The following FAM228B variants were observed in gnomAD, a reference collection of about 807,000 sequenced individuals.
FAM228B encodes the protein family with sequence similarity 228 member B.
FAM228B carries 38 observed loss-of-function variants against 42.6 expected under a neutral mutation model. That is an observed-to-expected ratio of 0.89 (90% confidence interval 0.69 to 1.17). The LOEUF (loss-of-function observed/expected upper bound fraction) is 1.17. FAM228B is among the 50% of genes most tolerant of loss of function. The pLI is 0.00. For synonymous variants in FAM228B, 109 were observed against 122.3 expected (o/e 0.89, Z 0.72); for missense variants, 344 against 367.3 (o/e 0.94, Z 0.52).
At chr2:24,129,463 T>C (rs1003615992) in intron 2 of FAM228B, among the ~76,000 whole-genome samples, 1 of 152,260 alleles carries the variant, frequency 6.6e-6, no homozygotes, top group Non-Finnish European at 1.5e-5. Flanking sequence ...ACTCTATCCA[T>C]TTGCTGAATC....
In FAM228B at chr2:24,084,044, G is replaced by A. The variant is rs1665137829; in HGVS notation, c.-210+3089G>A. Reference sequence around the variant, plus strand: ...TTTGCATGAACAAAGAGGGCGCCCTGGGTTTAGGTCTGGGAAGCCCCAGCG... The same window carrying A: ...TTTGCATGAACAAAGAGGGCGCCCTAGGTTTAGGTCTGGGAAGCCCCAGCG... On this transcript the variant is annotated intron_variant, in intron 2 of 10. Transcript: ENST00000613899. This position sits in a 1 kb window ranked among gnomAD's most constrained non-coding sequence, Gnocchi z 8.4. The A allele has an allele frequency of 7.6e-7, 1 of 1,313,282 alleles. No individual in the cohort carries two copies. Among genetic ancestry groups the A allele is most frequent in the African/African-American group, 1.5e-5 (1 of 66,958 alleles). 81.4% of individuals were successfully genotyped at this position (1,313,282 alleles called of 1,614,324 possible).
chr2:24,131,731 T>C (rs1369221434), intron 2 of FAM228B, among the ~76,000 whole-genome samples: 3 of 152,238 alleles, frequency 2.0e-5, no homozygotes, highest in Non-Finnish European at 4.4e-5. Flanking sequence ...GCTTTTGGCC[T>C]GAGATGATGG....
intron 10 of FAM228B, 102 bp downstream of exon 10, chr2:24,167,785 AAAG>A: frequency 7.4e-7 from 1 of 1,344,898 alleles, no homozygotes; most frequent in South Asian, 1.3e-5. Context: ...GGGAGGGAGG[AAAG>A]AGAAATAATG....
intron 3 of FAM228B, among the ~76,000 whole-genome samples, chr2:24,101,545 G>A (rs189534488): frequency 1.3e-5 from 2 of 151,984 alleles, no homozygotes; most frequent in Non-Finnish European, 2.9e-5. Flanking sequence ...AACATAAAAC[G>A]TAATTGGAAA....
chr2:24,117,953 T>C (rs1284070739), intron 3 of FAM228B, among the ~76,000 whole-genome samples: 1 of 152,166 alleles, frequency 6.6e-6, no homozygotes, highest in Non-Finnish European at 1.5e-5. Flanking sequence ...ATTAATGGCG[T>C]GATGCCAGCA....
chr2:24,079,415 C>A (rs369205576), intron 1 of FAM228B: 1 of 1,609,188 alleles, frequency 6.2e-7, no homozygotes, highest in Non-Finnish European at 8.5e-7. Context: ...TGGGTTAAAT[C>A]ACATGTTTTC....
chr2:24,155,531 ATTTTTTTTTTTT>A (rs70944720), intron 7 of FAM228B, among the ~76,000 whole-genome samples: 4 of 13,044 alleles, frequency 3.1e-4, no homozygotes, highest in Admixed American at 1.2e-3. Flanking sequence ...ATATATATAT[ATTTTTTTTTTTT>A]TTTTTTTTTT....
At chr2:24,114,490 T>C (rs566648412) in intron 3 of FAM228B, among the ~76,000 whole-genome samples, 1 of 152,232 alleles carries the variant, frequency 6.6e-6, no homozygotes, top group East Asian at 1.9e-4. Flanking sequence ...TTATATCCTA[T>C]CTTGGCCTGT....
intron 3 of FAM228B, among the ~76,000 whole-genome samples, chr2:24,103,431 G>A (rs1665646260): frequency 6.6e-6 from 1 of 152,200 alleles, no homozygotes; most frequent in African/African-American, 2.4e-5. Context: ...CTCTCATTTG[G>A]AGACCTCTGT....
At chr2:24,110,769 C>T (rs1049641045) in intron 3 of FAM228B, among the ~76,000 whole-genome samples, 3 of 152,122 alleles carry the variant, frequency 2.0e-5, no homozygotes, top group African/African-American at 7.2e-5. Context: ...TGGGACTCCC[C>T]CCCCAAATCT....
chr2:24,092,144 T>C (rs1280775491), intron 2 of FAM228B, among the ~76,000 whole-genome samples: 2 of 133,518 alleles, frequency 1.5e-5, no homozygotes, highest in Non-Finnish European at 3.0e-5. Flanking sequence ...AAAGATCACA[T>C]GGGCCTGGCA....
chr2:24,077,542 C>T lies in FAM228B; in HGVS notation c.-290+573C>T, dbSNP rs1220132438. On this transcript the variant is annotated intron_variant, in intron 1 of 10. Coordinates refer to the FAM228B transcript ENST00000613899. The surrounding 1 kb of genome is among the most constrained non-coding windows in gnomAD (Gnocchi z 5.5). ...CTTCTCCAGGTTTGCTCTGGAAAGG[C>T]CTGGGGTGGCCGCGTCCTGTCCTGC... 3.1e-6 allele frequency: 5 copies of T among 1,589,208 alleles called. No homozygotes were observed. Among genetic ancestry groups the T allele is most frequent in the East Asian group, 2.2e-5 (1 of 44,650 alleles).
intron 2 of FAM228B, chr2:24,085,258 T>C (rs10170774): frequency 0.12 from 17,735 of 152,020 alleles, 1,234 homozygotes; most frequent in South Asian, 0.18. Flanking sequence ...AGTCCTGGGA[T>C]CCTTATCACT....
chr2:24,121,195 G>A (rs374268200), upstream of FAM228B: 89 of 1,613,966 alleles, frequency 5.5e-5, no homozygotes, highest in African/African-American at 6.7e-5. Context: ...TCATCTGCCC[G>A]GACACATCTG....
chr2:24,121,439 A>C (rs903159689), upstream of FAM228B: 27 of 756,756 alleles, frequency 3.6e-5, no homozygotes, highest in Non-Finnish European at 5.0e-5. Flanking sequence ...AAAAAAAATC[A>C]AAAGAATAAC....
At chr2:24,104,478 A>G (rs892018054) in intron 3 of FAM228B, among the ~76,000 whole-genome samples, 1 of 152,178 alleles carries the variant, frequency 6.6e-6, no homozygotes, top group Non-Finnish European at 1.5e-5. Context: ...ACCAGCCTCT[A>G]GCCCAGTAGT....
upstream of FAM228B, chr2:24,121,042 G>T: frequency 7.5e-7 from 1 of 1,340,678 alleles, no homozygotes; most frequent in Non-Finnish European, 1.0e-6. Flanking sequence ...GCTATCTCAA[G>T]ACAATGGCTC....
intron 3 of FAM228B, among the ~76,000 whole-genome samples, chr2:24,136,569 C>T (rs1172276093): frequency 2.6e-5 from 4 of 152,018 alleles, no homozygotes; most frequent in African/African-American, 9.7e-5. Context: ...GACTATTTTC[C>T]CCAGGCTAGA....
intron 3 of FAM228B, among the ~76,000 whole-genome samples, chr2:24,100,039 A>G (rs1030279635): frequency 6.6e-6 from 1 of 152,198 alleles, no homozygotes; most frequent in Non-Finnish European, 1.5e-5. Context: ...TATTTAATAA[A>G]TGGTGCTGGG....
Sources: gnomAD v4.1 joint callset for allele counts (sites outside exome capture counted in the v4.1 genomes callset) on GRCh38, gnomAD v4.1.1 for gene constraint, Gnocchi (gnomAD v3.1) non-coding constraint, MANE v1.5 for transcripts, NCBI Gene and HGNC (gene_info 2026-07-23, HGNC 2026-07-21) for gene names.